The following XKR9 variants were observed in gnomAD, a reference collection of about 807,000 sequenced individuals.
XKR9 encodes the protein XK-related protein 9.
In XKR9, 32 loss-of-function variants were observed where a neutral mutation model predicts 32.0. The observed-to-expected ratio is 1.00, with a 90% CI of 0.76 to 1.34. The LOEUF (loss-of-function observed/expected upper bound fraction) is 1.34. XKR9 is among the 40% of genes most tolerant of loss of function. The pLI, the probability that XKR9 is intolerant of heterozygous loss-of-function variation, is 0.00. For missense variants in XKR9, 546 were observed against 429.7 expected (o/e 1.27, Z -2.39); for synonymous variants, 168 against 143.4 (o/e 1.17, Z -1.22).
the XKR9 span, among the ~76,000 whole-genome samples, chr8:70,911,487 T>C: frequency 1.3e-5 from 2 of 152,210 alleles, no homozygotes; most frequent in Non-Finnish European, 2.9e-5. Context: ...TTCTCAGTGC[T>C]GAAGATAAAA....
intron 2 of XKR9, among the ~76,000 whole-genome samples, chr8:70,760,839 A>G (rs1187300761): frequency 1.3e-5 from 2 of 152,104 alleles, no homozygotes; most frequent in East Asian, 1.9e-4. Context: ...TCCATTGGTT[A>G]TTTTTCCTGA....
At chr8:70,968,585 C>T in the XKR9 span, among the ~76,000 whole-genome samples, 1 of 151,934 alleles carries the variant, frequency 6.6e-6, no homozygotes, top group Non-Finnish European at 1.5e-5. Context: ...TAATGATCTT[C>T]AATCTTTGAG....
At chr8:71,024,063 G>T in the XKR9 span, among the ~76,000 whole-genome samples, 1 of 152,192 alleles carries the variant, frequency 6.6e-6, no homozygotes, top group Non-Finnish European at 1.5e-5. Context: ...GGCCAGGCAG[G>T]CCTATCCTCA....
At chr8:70,897,063 C>T in the XKR9 span, among the ~76,000 whole-genome samples, 3 of 152,108 alleles carry the variant, frequency 2.0e-5, no homozygotes, top group African/African-American at 4.8e-5. Context: ...TTCTACCCAT[C>T]ATTCTACCCT....
At chr8:70,934,712 C>G in the XKR9 span, among the ~76,000 whole-genome samples, 3 of 151,782 alleles carry the variant, frequency 2.0e-5, no homozygotes, top group Admixed American at 6.6e-5. Context: ...TTCAAATATG[C>G]AAAAATAAAT....
intron 2 of XKR9, among the ~76,000 whole-genome samples, chr8:70,769,024 C>T (rs540092235): frequency 1.3e-4 from 20 of 152,094 alleles, no homozygotes; most frequent in Middle Eastern, 3.4e-3. Flanking sequence ...TTCATAGTGT[C>T]GTTGGTCTAT....
At chr8:70,993,659 T>TCCCA in the XKR9 span, among the ~76,000 whole-genome samples, 1 of 144,064 alleles carries the variant, frequency 6.9e-6, no homozygotes, top group Non-Finnish European at 1.5e-5. Context: ...CCTTCCTTCC[T>TCCCA]TCCTTCCTTC....
At chr8:70,672,707 C>A (rs1818754769) in intron 1 of XKR9, among the ~76,000 whole-genome samples, 1 of 152,124 alleles carries the variant, frequency 6.6e-6, no homozygotes, top group South Asian at 2.1e-4. Flanking sequence ...GTTCCTTTTT[C>A]TCTACATCCT....
chr8:70,946,422 A>G, the XKR9 span, among the ~76,000 whole-genome samples: 2 of 152,176 alleles, frequency 1.3e-5, no homozygotes, highest in Non-Finnish European at 2.9e-5. Context: ...TTCCACTGAG[A>G]TAATAATGTC....
chr8:70,882,045 T>C, the XKR9 span, among the ~76,000 whole-genome samples: 3 of 151,906 alleles, frequency 2.0e-5, no homozygotes, highest in East Asian at 1.9e-4. Context: ...TTCTCACTCA[T>C]AGGTGGGAAT....
chr8:70,859,923 C>A, the XKR9 span, among the ~76,000 whole-genome samples: 14 of 152,110 alleles, frequency 9.2e-5, no homozygotes, highest in Non-Finnish European at 1.9e-4. Flanking sequence ...ATGTTCAATA[C>A]CAGAGTAGGG....
At chr8:70,982,148 G>A in the XKR9 span, among the ~76,000 whole-genome samples, 1 of 152,346 alleles carries the variant, frequency 6.6e-6, no homozygotes, top group South Asian at 2.1e-4. Context: ...ACTTTCAAGA[G>A]CACATCAGCT....
chr8:70,850,330 G>A, the XKR9 span, among the ~76,000 whole-genome samples: 1 of 151,824 alleles, frequency 6.6e-6, no homozygotes, highest in Non-Finnish European at 1.5e-5. Context: ...GTGTGGTGGT[G>A]AGTGCTTGTA....
At chr8:70,889,591 C>T in the XKR9 span, among the ~76,000 whole-genome samples, 1 of 151,638 alleles carries the variant, frequency 6.6e-6, no homozygotes, top group East Asian at 1.9e-4. Flanking sequence ...TCTATGGTTG[C>T]CATCTTTATG....
the XKR9 span, among the ~76,000 whole-genome samples, chr8:70,989,277 A>G: frequency 1.3e-5 from 2 of 152,252 alleles, no homozygotes; most frequent in East Asian, 3.8e-4. Flanking sequence ...ATGGTAAATT[A>G]TGCATAAACA....
chr8:70,725,651 A>T (rs377171207), intron 4 of XKR9, among the ~76,000 whole-genome samples: 2 of 152,298 alleles, frequency 1.3e-5, no homozygotes, highest in African/African-American at 4.8e-5. Context: ...CATGGCTGTA[A>T]TCCCAGCACT....
At chr8:70,701,434 T>C (rs1259850296) in intron 3 of XKR9, among the ~76,000 whole-genome samples, 1 of 152,186 alleles carries the variant, frequency 6.6e-6, no homozygotes, top group Non-Finnish European at 1.5e-5. Context: ...TCGAAGATGT[T>C]GTATTTACTT....
chr8:70,683,681 T>C, intron 3 of XKR9: 1 of 363,626 alleles, frequency 2.8e-6, no homozygotes, highest in Non-Finnish European at 5.5e-6. Flanking sequence ...AGAAATGGGG[T>C]TTAGTCATGT....
chr8:70,991,510 TG>T, the XKR9 span, among the ~76,000 whole-genome samples: 3 of 152,224 alleles, frequency 2.0e-5, no homozygotes, highest in African/African-American at 7.2e-5. Flanking sequence ...TTCATGGAGA[TG>T]ATTATTGAAA....
Sources: allele counts gnomAD v4.1 joint callset (sites outside exome capture counted in the v4.1 genomes callset), GRCh38; gene constraint gnomAD v4.1.1; transcripts MANE v1.5; gene names NCBI Gene and HGNC (gene_info 2026-07-23, HGNC 2026-07-21).